Variants in PLCZ1 observed in about 807,000 individuals in gnomAD.
The protein encoded by PLCZ1 is phospholipase C zeta 1, also known as 1-phosphatidylinositol 4,5-bisphosphate phosphodiesterase zeta-1.
In PLCZ1, 64 loss-of-function variants were observed where a neutral mutation model predicts 76.8. The observed-to-expected ratio is 0.83, with a 90% confidence interval of 0.68 to 1.03. PLCZ1 has a LOEUF of 1.03. Ranked by LOEUF, PLCZ1 falls within the 50% of genes least tolerant of loss-of-function variation. PLCZ1 has a pLI of 0.00. For missense variants in PLCZ1, 751 were observed against 713.7 expected, an observed-to-expected ratio of 1.05 and a Z score of -0.60; for synonymous variants, 248 against 230.8, an observed-to-expected ratio of 1.07 and a Z score of -0.68.
At chr12:18,713,129 G>A in intron 5 of PLCZ1, 143 bp from the exon 6 acceptor site, 1 of 1,105,642 alleles carries the variant, frequency 9.0e-7, no homozygotes, top group Non-Finnish European at 1.3e-6. Context: ...TTGTCTTTGG[G>A]ACAAGTTTTG....
At chr12:18,736,098 G>T in intron 3 of PLCZ1, 123 bp downstream of exon 3, 1 of 1,113,502 alleles carries the variant, frequency 9.0e-7, no homozygotes, top group Non-Finnish European at 1.3e-6. Flanking sequence ...CATCTTGATT[G>T]TAAATATAGT....
the PLCZ1 span, among the ~76,000 whole-genome samples, chr12:18,650,293 T>TTC: frequency 1.9e-3 from 167 of 87,728 alleles, 2 homozygotes; most frequent in East Asian, 6.1e-3. Flanking sequence ...TAACCCAAAT[T>TTC]TCTCTCTCTC....
the PLCZ1 span, among the ~76,000 whole-genome samples, chr12:18,663,845 C>G: frequency 6.6e-6 from 1 of 152,114 alleles, no homozygotes; most frequent in Non-Finnish European, 1.5e-5. Flanking sequence ...GCAAATCATA[C>G]ATCTTATAAG....
the PLCZ1 span, among the ~76,000 whole-genome samples, chr12:18,658,556 A>G: frequency 0.029 from 4,467 of 152,210 alleles, 211 homozygotes; most frequent in African/African-American, 0.1. Context: ...AAGACCATCA[A>G]CCAAGAGATC....
chr12:18,694,052 G>A, intron 12 of PLCZ1: 5 of 1,348,688 alleles, frequency 3.7e-6, no homozygotes, highest in Non-Finnish European at 5.3e-6. Context: ...TAAAGAAAAT[G>A]TTCTTTATAA....
chr12:18,704,018 G>C (rs1956268589), intron 7 of PLCZ1, among the ~76,000 whole-genome samples: 1 of 152,150 alleles, frequency 6.6e-6, no homozygotes. Flanking sequence ...ATAAAATTTG[G>C]GATAGGGAGA....
At chr12:18,680,003 T>C (rs1220288781), downstream of PLCZ1, among the ~76,000 whole-genome samples, 4 of 152,132 alleles carry the variant, frequency 2.6e-5, no homozygotes, top group African/African-American at 7.2e-5. Context: ...TCCTATAGAA[T>C]GCTCAAATTT....
At chr12:18,671,699 A>G in the PLCZ1 span, among the ~76,000 whole-genome samples, 1 of 152,178 alleles carries the variant, frequency 6.6e-6, no homozygotes, top group Non-Finnish European at 1.5e-5. Context: ...AAGGCTCCAG[A>G]AAAATGATGA....
downstream of PLCZ1, among the ~76,000 whole-genome samples, chr12:18,681,052 T>C (rs981244005): frequency 6.6e-6 from 1 of 152,064 alleles, no homozygotes; most frequent in Non-Finnish European, 1.5e-5. Flanking sequence ...GATTCCGGAA[T>C]GTTCTTGTCT....
At chr12:18,696,722 A>C (rs536571465) in intron 10 of PLCZ1, among the ~76,000 whole-genome samples, 79 of 152,196 alleles carry the variant, frequency 5.2e-4, no homozygotes, top group African/African-American at 1.8e-3. Flanking sequence ...ATTCCAGCTA[A>C]ATTAATCCTA....
the PLCZ1 span, among the ~76,000 whole-genome samples, chr12:18,655,244 C>T: frequency 6.6e-6 from 1 of 152,128 alleles, no homozygotes; most frequent in Non-Finnish European, 1.5e-5. Flanking sequence ...GGTAAAGAAC[C>T]TGCTTCCAGT....
the PLCZ1 span, among the ~76,000 whole-genome samples, chr12:18,663,508 T>C: frequency 6.6e-6 from 1 of 152,116 alleles, no homozygotes; most frequent in Non-Finnish European, 1.5e-5. Flanking sequence ...TATCAGAGAT[T>C]TGAACTTCTG....
At position 18,712,956 on chromosome 12, in the gene PLCZ1, C is replaced by G; in HGVS notation, c.600G>C (p.Glu200Asp). ...SALVKGCRCL[E>D]IDCWDGAQNE... ...TTTGTGCTCCATCCCAGCAGTCAAT[C>G]TCCAAACAACGGCATCCTTTCACAA... The change falls in exon 6 of 15, where the codon GAG becomes GAC. Residue 200 changes from glutamate to aspartate, a missense_variant. Glu to Asp is a conservative substitution (Grantham distance 45). Transcript: ENST00000266505. 6.2e-7 allele frequency: 1 copy of G among 1,613,948 alleles called. No homozygotes were observed. Among genetic ancestry groups the G allele is most frequent in the East Asian group, 2.2e-5 (1 of 44,852 alleles).
chr12:18,693,283 C>G, intron 12 of PLCZ1: 1 of 1,520,608 alleles, frequency 6.6e-7, no homozygotes, highest in Non-Finnish European at 9.1e-7. Flanking sequence ...GACATGGATC[C>G]CCTGGTCACA....
At chr12:18,729,786 A>C (rs1449287142) in intron 3 of PLCZ1, among the ~76,000 whole-genome samples, 2 of 152,108 alleles carry the variant, frequency 1.3e-5, no homozygotes, top group East Asian at 3.8e-4. Flanking sequence ...TGAATCAATA[A>C]TTAATCTTGT....
chr12:18,700,960 G>A (rs1035833507), intron 9 of PLCZ1, among the ~76,000 whole-genome samples: 3 of 147,660 alleles, frequency 2.0e-5, no homozygotes, highest in Non-Finnish European at 4.5e-5. Context: ...TCATAAGAAT[G>A]CATAATATTT....
intron 12 of PLCZ1, chr12:18,692,697 C>A: frequency 1.3e-6 from 1 of 741,652 alleles, no homozygotes; most frequent in South Asian, 1.6e-5. Flanking sequence ...AGAACAAAAT[C>A]AAATACAGAC....
chr12:18,690,493 G>A (rs1953908172), intron 12 of PLCZ1, among the ~76,000 whole-genome samples: 1 of 152,046 alleles, frequency 6.6e-6, no homozygotes, highest in Non-Finnish European at 1.5e-5. Context: ...CCAAAGTGAT[G>A]GGATTACAGA....
chr12:18,704,885 C>T (rs1432615963), intron 7 of PLCZ1, among the ~76,000 whole-genome samples: 1 of 152,052 alleles, frequency 6.6e-6, no homozygotes, highest in Non-Finnish European at 1.5e-5. Context: ...TACTAAATTT[C>T]TGGTCCTTAA....
Sources: allele counts gnomAD v4.1 joint callset (sites outside exome capture counted in the v4.1 genomes callset), GRCh38; gene constraint gnomAD v4.1.1; transcripts MANE v1.5; gene names NCBI Gene and HGNC (gene_info 2026-07-23, HGNC 2026-07-21).